The following C12orf56 variants were observed in gnomAD, a reference collection of about 807,000 sequenced individuals.
The protein encoded by C12orf56 is uncharacterized protein C12orf56.
In C12orf56, 71 loss-of-function variants were observed where a neutral mutation model predicts 69.9. That is an observed-to-expected ratio of 1.02 (90% confidence interval 0.84 to 1.24). The LOEUF (loss-of-function observed/expected upper bound fraction) is 1.24, where lower values mean the gene tolerates loss of function less well. Among genes scored for constraint, C12orf56 ranks in the 50% most tolerant of loss-of-function variants. The probability of loss-of-function intolerance (pLI) is 0.00; values close to 1 mark genes in which losing one functional copy is unlikely to be tolerated. For synonymous variants in C12orf56, 276 were observed against 274.1 expected (o/e 1.01, Z -0.07); for missense variants, 732 against 738.5 (o/e 0.99, Z 0.10).
intron 1 of C12orf56, among the ~76,000 whole-genome samples, chr12:64,375,146 C>T (rs997263758): frequency 6.6e-6 from 1 of 152,000 alleles, no homozygotes; most frequent in Non-Finnish European, 1.5e-5. Context: ...CAACCTCCGC[C>T]TCCCAGGTTC....
chr12:64,348,434 C>T (rs373978531), intron 2 of C12orf56, among the ~76,000 whole-genome samples: 2 of 152,192 alleles, frequency 1.3e-5, no homozygotes, highest in East Asian at 1.9e-4. Flanking sequence ...ATGTCCAAGT[C>T]ATCATTTTGG....
chr12:64,322,342 A>C (rs2038784147), intron 3 of C12orf56, among the ~76,000 whole-genome samples: 2 of 152,160 alleles, frequency 1.3e-5, no homozygotes, highest in African/African-American at 4.8e-5. Context: ...TCTCCATTCC[A>C]GCTATTGAGC....
chr12:64,380,799 G>A (rs1003136096), intron 1 of C12orf56, among the ~76,000 whole-genome samples: 1 of 152,210 alleles, frequency 6.6e-6, no homozygotes, highest in African/African-American at 2.4e-5. Flanking sequence ...AGAACGTGGG[G>A]AAGAGTGGTA....
chr12:64,273,675 G>A (rs963075210), intron 11 of C12orf56, among the ~76,000 whole-genome samples: 1 of 152,224 alleles, frequency 6.6e-6, no homozygotes, highest in Non-Finnish European at 1.5e-5. Flanking sequence ...ATGTCCCAGA[G>A]GGGTCTGCAG....
rs542045314 is a variant in C12orf56, at chr12:64,281,041, C to CG, written c.1311-3239dup. On this transcript the variant is annotated intron_variant, in intron 8 of 12. Coordinates refer to ENST00000543942, the MANE Select transcript of C12orf56 (RefSeq NM_001170633.2). ...TAATCCCAGCACTTTGGGAGGCCGA[C>CG]GGGGGGTGGATCACCTGAGGACAGG... Among the ~76,000 whole-genome samples, 27 of 150,502 alleles carry CG rather than the reference C, an allele frequency of 1.8e-4. 1 individual carries two copies. The South Asian group carries it at 1.9e-3, about 11-fold the overall frequency.
intron 2 of C12orf56, among the ~76,000 whole-genome samples, chr12:64,332,076 A>G (rs1190811297): frequency 1.3e-5 from 2 of 152,094 alleles, no homozygotes; most frequent in African/African-American, 4.8e-5. Context: ...AGGCTGAAGC[A>G]GACGGATCAC....
At chr12:64,278,681 A>AT (rs1291463912) in intron 8 of C12orf56, among the ~76,000 whole-genome samples, 3 of 152,158 alleles carry the variant, frequency 2.0e-5, no homozygotes, top group Non-Finnish European at 4.4e-5. Context: ...TATTTGTATG[A>AT]TTGATCTCTG....
At chr12:64,341,688 C>T (rs938725333) in intron 2 of C12orf56, among the ~76,000 whole-genome samples, 1 of 152,124 alleles carries the variant, frequency 6.6e-6, no homozygotes, top group Non-Finnish European at 1.5e-5. Context: ...AACCCATATC[C>T]GGAGTAAGTG....
intron 9 of C12orf56, 113 bp downstream of exon 9, chr12:64,277,567 C>T (rs574333946): frequency 1.9e-4 from 128 of 691,292 alleles, no homozygotes; most frequent in Non-Finnish European, 8.2e-5. Flanking sequence ...AAGATCTACT[C>T]TTTGGTTTAA....
At chr12:64,323,564 C>CATTTTTTTT (rs1196521648) in intron 3 of C12orf56, among the ~76,000 whole-genome samples, 1 of 90,022 alleles carries the variant, frequency 1.1e-5, no homozygotes, top group Admixed American at 1.0e-4. Context: ...GCAAACATTT[C>CATTTTTTTT]CTTTTTTTTT....
chr12:64,302,133 A>G (rs1294744169), intron 6 of C12orf56, among the ~76,000 whole-genome samples: 1 of 152,162 alleles, frequency 6.6e-6, no homozygotes. Flanking sequence ...TTTCATCTTC[A>G]TAATCAACTT....
chr12:64,355,338 G>A (rs2039295792), intron 1 of C12orf56, among the ~76,000 whole-genome samples: 1 of 152,030 alleles, frequency 6.6e-6, no homozygotes. Flanking sequence ...TTTCAAATAG[G>A]TAGAGTAATT....
chr12:64,343,038 G>C lies in C12orf56; in HGVS notation c.415+9856C>G, dbSNP rs552315840. Among the ~76,000 whole-genome samples, 119 of 152,292 alleles carry C rather than the reference G, an allele frequency of 7.8e-4. 1 individual carries two copies. Among genetic ancestry groups the C allele is most frequent in the African/African-American group, 2.7e-3 (113 of 41,558 alleles). On this transcript the variant is annotated intron_variant, in intron 2 of 12. Transcript: ENST00000543942. The stretch of plus-strand genomic sequence containing the variant: ...CAGCCTTTCAGGTCACTTGATAAAT[G>C]AGCCAGAGTAACACACCCAAATGAG...
At chr12:64,376,819 C>T (rs1206600955) in intron 1 of C12orf56, among the ~76,000 whole-genome samples, 1 of 152,162 alleles carries the variant, frequency 6.6e-6, no homozygotes, top group Non-Finnish European at 1.5e-5. Flanking sequence ...GCATAGTATT[C>T]CATGGTGTAT....
chr12:64,378,767 C>A (rs1007933377), intron 1 of C12orf56, among the ~76,000 whole-genome samples: 1 of 151,672 alleles, frequency 6.6e-6, no homozygotes, highest in Non-Finnish European at 1.5e-5. Context: ...TGAACAGAAC[C>A]TGGCTGGGCA....
chr12:64,357,721 AC>A (rs527454122), intron 1 of C12orf56, among the ~76,000 whole-genome samples: 2 of 151,156 alleles, frequency 1.3e-5, no homozygotes, highest in Non-Finnish European at 2.9e-5. Flanking sequence ...ACATAGTGAG[AC>A]CCCCCCAATC....
chr12:64,348,518 A>G (rs2039178657), intron 2 of C12orf56, among the ~76,000 whole-genome samples: 1 of 152,176 alleles, frequency 6.6e-6, no homozygotes, highest in Non-Finnish European at 1.5e-5. Flanking sequence ...AACATATTTA[A>G]CAGTCTTCCC....
chr12:64,321,772 C>T (rs539044629), intron 3 of C12orf56, among the ~76,000 whole-genome samples: 56 of 152,182 alleles, frequency 3.7e-4, no homozygotes, highest in Non-Finnish European at 7.5e-4. Flanking sequence ...GTTGCATGCA[C>T]TTTGGTATGT....
Position 64,266,896 on chromosome 12 carries a change from G to C in C12orf56, c.*287C>G, listed in dbSNP as rs754441612. The stretch of plus-strand genomic sequence containing the variant: ...TTTTCCTGTGTCTTGATGGATAGTC[G>C]TTTATTTTGTGGCAAGAGTGAGTTT... On this transcript the variant is annotated 3_prime_UTR_variant, in exon 13 of 13. Coordinates refer to ENST00000543942, the MANE Select transcript of C12orf56 (RefSeq NM_001170633.2). 1 of 360,432 alleles carries C rather than the reference G, an allele frequency of 2.8e-6. No individual in the cohort carries two copies. The highest frequency in any genetic ancestry group is 2.1e-5 in the African/African-American group (1 of 46,870). 22.3% of individuals were successfully genotyped at this position (360,432 alleles called of 1,614,324 possible).
Sources: gnomAD v4.1 joint callset for allele counts (sites outside exome capture counted in the v4.1 genomes callset) on GRCh38, gnomAD v4.1.1 for gene constraint, MANE v1.5 for transcripts, NCBI Gene and HGNC (gene_info 2026-07-23, HGNC 2026-07-21) for gene names.